The following SCRN3 variants were observed in gnomAD, a reference collection of about 807,000 sequenced individuals.
SCRN3 encodes the protein secernin 3.
Under a neutral mutation model 43.1 loss-of-function variants are expected in SCRN3, and 39 were observed. That is an observed-to-expected ratio of 0.91 (90% CI 0.70 to 1.18). The LOEUF (loss-of-function observed/expected upper bound fraction) is 1.18. Ranked by LOEUF, SCRN3 falls within the 50% of genes most tolerant of loss-of-function variation. The probability of loss-of-function intolerance (pLI) is 0.00; values close to 1 mark genes in which losing one functional copy is unlikely to be tolerated. For missense variants in SCRN3, 484 were observed against 498.0 expected (o/e 0.97, Z 0.27); for synonymous variants, 147 against 163.1 (o/e 0.90, Z 0.75).
intron 5 of SCRN3, 99 bp downstream of exon 5, chr2:174,404,414 A>C: frequency 3.9e-6 from 3 of 760,136 alleles, no homozygotes; most frequent in Non-Finnish European, 4.1e-6. Context: ...TATAATTAGT[A>C]AAAATATTGT....
rs1355614205 is a variant in SCRN3 at position 174,404,258 on chromosome 2, A to G, written c.697A>G (p.Met233Val). 6.2e-7 allele frequency: 1 copy of G among 1,613,800 alleles called. No individual in the cohort carries two copies. Among genetic ancestry groups the G allele is most frequent in the Non-Finnish European group, 8.5e-7 (1 of 1,179,836 alleles). ...ATATTCCTATCTTGACACAGCCAAG[A>G]TGATGACTTCATCAGGCAGATACTG... Reference protein sequence around the residue: ...AAYSYLDTAKMMTSSGRYCEG... With the variant: ...AAYSYLDTAKVMTSSGRYCEG... Residue 233 changes from methionine to valine, a missense_variant, in exon 5 of 8, where the codon ATG becomes GTG. Physicochemically the swap from Met to Val is conservative, Grantham distance 21. Transcript: ENST00000272732.
chr2:174,395,754 C>G lies in SCRN3; in HGVS notation c.-73C>G. On this transcript the variant is annotated 5_prime_UTR_variant, in exon 1 of 8. Transcript: ENST00000272732. ...GATCAAAGGTGACAGCTTCCGGCAACTGATGCCTCCACTGGCCACTCCTCC... is the reference window on the plus strand; with the variant it reads ...GATCAAAGGTGACAGCTTCCGGCAAGTGATGCCTCCACTGGCCACTCCTCC... The G allele has an allele frequency of 6.3e-7, 1 of 1,591,032 alleles. No homozygotes were observed. The highest frequency in any genetic ancestry group is 8.6e-7 in the Non-Finnish European group (1 of 1,167,828).
chr2:174,402,756 T>G (rs1441493480), intron 4 of SCRN3, among the ~76,000 whole-genome samples: 1 of 152,200 alleles, frequency 6.6e-6, no homozygotes, highest in Non-Finnish European at 1.5e-5. Context: ...GATTCTTTCA[T>G]GACTTGGATC....
chr2:174,420,457 C>G (rs960220290), intron 5 of SCRN3, among the ~76,000 whole-genome samples: 1 of 152,050 alleles, frequency 6.6e-6, no homozygotes, highest in Non-Finnish European at 1.5e-5. Flanking sequence ...ATCAGGCATG[C>G]TAAGAAATAA....
At chr2:174,423,870 C>G (rs940808026) in intron 6 of SCRN3, among the ~76,000 whole-genome samples, 1 of 147,364 alleles carries the variant, frequency 6.8e-6, no homozygotes, top group African/African-American at 2.6e-5. Context: ...CATGCTGTAG[C>G]CTTGAACTCC....
rs1574679251 is a variant in SCRN3, at chr2:174,428,605, A to C, written c.*710A>C. 1 of 152,280 alleles carries C rather than the reference A, an allele frequency of 6.6e-6. No homozygotes were observed. The highest frequency in any genetic ancestry group is 1.9e-4 in the East Asian group (1 of 5,190). 9.4% of individuals were successfully genotyped at this position (152,280 alleles called of 1,614,324 possible). On this transcript the variant is annotated 3_prime_UTR_variant, in exon 8 of 8. Coordinates refer to ENST00000272732, the MANE Select transcript of SCRN3 (RefSeq NM_024583.5). ...AAGATAAAAGAACCAAAACCTTAGG[A>C]TATACTGTTTCTGGGTCTGAAATCT...
chr2:174,421,210 A>G (rs965968569), intron 5 of SCRN3, among the ~76,000 whole-genome samples: 2 of 152,218 alleles, frequency 1.3e-5, no homozygotes, highest in Non-Finnish European at 1.5e-5. Context: ...TTAGAATTGT[A>G]TATCTAGTGA....
intron 3 of SCRN3, among the ~76,000 whole-genome samples, chr2:174,400,642 A>G (rs987067314): frequency 5.9e-5 from 9 of 152,294 alleles, no homozygotes; most frequent in Admixed American, 4.6e-4. Flanking sequence ...GGAAATTATA[A>G]TTCATTGGAA....
At chr2:174,400,935 T>TA (rs926032826) in intron 3 of SCRN3, 55 bp from the exon 4 acceptor site, 26 of 1,365,410 alleles carry the variant, frequency 1.9e-5, no homozygotes, top group Admixed American at 1.3e-4. Flanking sequence ...TGAAATTATT[T>TA]AAAAAAAATA....
At position 174,404,290 on chromosome 2, in the gene SCRN3, C is replaced by G. The variant is rs1685613221; in HGVS notation, c.729C>G (p.Gly243=). Residue 243 remains glycine (G), a synonymous_variant, in exon 5 of 8, where the codon GGC becomes GGG. Coordinates refer to ENST00000272732, the MANE Select transcript of SCRN3 (RefSeq NM_024583.5). Reference sequence around the variant, plus strand: ...CTTCATCAGGCAGATACTGTGAGGGCTACAAGCTTCTAAATAAGCACAAAG... The same window carrying G: ...CTTCATCAGGCAGATACTGTGAGGGGTACAAGCTTCTAAATAAGCACAAAG... ...MMTSSGRYCE[G]YKLLNKHKGN... 1 of 1,612,796 alleles carries G rather than the reference C, an allele frequency of 6.2e-7. No individual in the cohort carries two copies. Among genetic ancestry groups the G allele is most frequent in the Non-Finnish European group, 8.5e-7 (1 of 1,179,218 alleles).
chr2:174,400,588 T>A (rs1223287814), intron 3 of SCRN3, among the ~76,000 whole-genome samples: 1 of 152,214 alleles, frequency 6.6e-6, no homozygotes, highest in Non-Finnish European at 1.5e-5. Context: ...ACAGGCACCA[T>A]GCCCAGCTTT....
At chr2:174,415,345 AT>A (rs757383632) in intron 5 of SCRN3, among the ~76,000 whole-genome samples, 1 of 152,228 alleles carries the variant, frequency 6.6e-6, no homozygotes, top group Admixed American at 6.5e-5. Flanking sequence ...AAGAAAAAAA[AT>A]GGCATGTTAC....
chr2:174,404,197 G>A lies in SCRN3; in HGVS notation c.636G>A (p.Trp212Ter). 6.2e-7 allele frequency: 1 copy of A among 1,613,888 alleles called. No homozygotes were observed. Among genetic ancestry groups the A allele is most frequent in the South Asian group, 1.1e-5 (1 of 91,076 alleles). ...GAAACTATGCTAAGCGGAAAGGTTG[G>A]TGGGATGGTAAAAAGGAGTTTGATT... Reference protein sequence around the residue: ...DMRNYAKRKGWWDGKKEFDFA... With the variant: ...DMRNYAKRKG Residue 212 changes from tryptophan to a stop codon, truncating the protein, a stop_gained, in exon 5 of 8, where the codon TGG (tryptophan) becomes TGA (stop). Transcript: ENST00000272732. LOFTEE classifies it high-confidence loss of function.
At chr2:174,427,620 C>T (rs1686532039) in intron 7 of SCRN3, 93 bp from the exon 8 acceptor site, 5 of 622,138 alleles carry the variant, frequency 8.0e-6, no homozygotes, top group Non-Finnish European at 1.2e-5. Context: ...CAGAAGCCAG[C>T]ATGAACAAAC....
chr2:174,419,321 C>A (rs564450975), intron 5 of SCRN3, among the ~76,000 whole-genome samples: 13 of 152,226 alleles, frequency 8.5e-5, no homozygotes, highest in Admixed American at 6.5e-4. Flanking sequence ...CATGGAAATA[C>A]AATAATTAAA....
chr2:174,401,818 C>A (rs986823095), intron 4 of SCRN3, among the ~76,000 whole-genome samples: 5 of 152,156 alleles, frequency 3.3e-5, no homozygotes, highest in Non-Finnish European at 7.4e-5. Context: ...AATCTCATCA[C>A]TAGAACATAG....
intron 5 of SCRN3, among the ~76,000 whole-genome samples, chr2:174,418,628 G>T (rs539015444): frequency 6.6e-6 from 1 of 152,140 alleles, no homozygotes; most frequent in Non-Finnish European, 1.5e-5. Flanking sequence ...TGTAGGTTTT[G>T]AATACAGAAA....
chr2:174,421,834 A>C (rs992309862), intron 5 of SCRN3, among the ~76,000 whole-genome samples: 2 of 152,218 alleles, frequency 1.3e-5, no homozygotes, highest in African/African-American at 4.8e-5. Flanking sequence ...GAATAGCACA[A>C]AAGATAGGCA....
intron 5 of SCRN3, among the ~76,000 whole-genome samples, chr2:174,418,119 GCTA>G (rs1162917294): frequency 6.6e-6 from 1 of 152,126 alleles, no homozygotes; most frequent in South Asian, 2.1e-4. Flanking sequence ...AAGCCAATTA[GCTA>G]CTACATCATA....
Sources: gnomAD v4.1 joint callset for allele counts (sites outside exome capture counted in the v4.1 genomes callset) on GRCh38, gnomAD v4.1.1 for gene constraint, MANE v1.5 for transcripts, NCBI Gene and HGNC (gene_info 2026-07-23, HGNC 2026-07-21) for gene names.